Variants in EPHX2 observed in about 807,000 individuals in gnomAD.
EPHX2 encodes epoxide hydrolase 2, also known as bifunctional epoxide hydrolase 2.
A neutral mutation model predicts 78.7 loss-of-function variants in EPHX2; 74 were observed. The ratio of observed to expected loss-of-function variants is 0.94; its 90% CI spans 0.78 to 1.14. The LOEUF (loss-of-function observed/expected upper bound fraction) is 1.14, where lower values mean the gene tolerates loss of function less well. Among genes scored for constraint, EPHX2 ranks in the 50% most tolerant of loss-of-function variants. EPHX2 has a pLI of 0.00. For missense variants in EPHX2, 715 were observed against 702.5 expected (o/e 1.02, Z -0.20); for synonymous variants, 251 against 255.2 (o/e 0.98, Z 0.16).
intron 1 of EPHX2, among the ~76,000 whole-genome samples, chr8:27,498,255 G>A (rs140709594): frequency 8.4e-4 from 128 of 152,256 alleles, no homozygotes; most frequent in African/African-American, 3.0e-3. Flanking sequence ...ATAGCCCGGG[G>A]GTTTTATGGT....
Position 27,503,712 on chromosome 8 carries a change from A to T in EPHX2, c.295A>T (p.Arg99Ter). 2 of 1,613,862 alleles carry T rather than the reference A, an allele frequency of 1.2e-6. No homozygotes were observed. The highest frequency in any genetic ancestry group is 2.2e-5 in the South Asian group (2 of 91,082). Residue 99 changes from arginine (R) to a stop codon, truncating the protein, a stop_gained, in exon 3 of 19, where the codon AGA becomes TGA. Coordinates refer to ENST00000521400, the MANE Select transcript of EPHX2 (RefSeq NM_001979.6). LOFTEE classifies it high-confidence loss of function. ...AATCTTTGACAAGGCGATTTCAGCC[A>T]GAAAGATCAACCGCCCCATGCTCCA... ...KEIFDKAISARKINRPMLQAA... is the reference protein window; with the variant it reads ...KEIFDKAISA
chr8:27,508,700 C>G (rs970754947), intron 5 of EPHX2, among the ~76,000 whole-genome samples: 32 of 152,182 alleles, frequency 2.1e-4, no homozygotes, highest in Non-Finnish European at 4.3e-4. Context: ...CATCATCCCC[C>G]TTGTATTTTT....
At chr8:27,535,653 C>T (rs541151379) in intron 12 of EPHX2, among the ~76,000 whole-genome samples, 1 of 152,168 alleles carries the variant, frequency 6.6e-6, no homozygotes, top group Non-Finnish European at 1.5e-5. Flanking sequence ...AGGCTACCCC[C>T]ACTAGGAGAG....
chr8:27,538,581 A>T, intron 13 of EPHX2, 78 bp from the exon 14 acceptor site: 2 of 1,370,466 alleles, frequency 1.5e-6, no homozygotes, highest in South Asian at 2.6e-5. Flanking sequence ...CATTTGTCGT[A>T]ACAGGGTTTT....
chr8:27,536,670 C>A, intron 12 of EPHX2, 114 bp from the exon 13 acceptor site: 2 of 1,001,950 alleles, frequency 2.0e-6, no homozygotes, highest in Non-Finnish European at 3.1e-6. Context: ...TCTGATGAAA[C>A]TTGGGCTGGA....
At chr8:27,546,161 C>G (rs1815573438), downstream of EPHX2, among the ~76,000 whole-genome samples, 1 of 151,320 alleles carries the variant, frequency 6.6e-6, no homozygotes, top group Non-Finnish European at 1.5e-5. Context: ...GTTCTCCTTT[C>G]TAAATCTGGA....
At chr8:27,515,242 A>G (rs1246273733) in intron 6 of EPHX2, among the ~76,000 whole-genome samples, 2 of 152,154 alleles carry the variant, frequency 1.3e-5, no homozygotes, top group South Asian at 2.1e-4. Flanking sequence ...TCATGCTTCA[A>G]ACTGCGAGCC....
chr8:27,503,486 T>C lies in EPHX2; in HGVS notation c.187-118T>C, dbSNP rs1005310145. 3.5e-6 allele frequency: 4 copies of C among 1,129,566 alleles called. No homozygotes were observed. In the African/African-American group the frequency reaches 6.3e-5, roughly 18 times the overall value. 70.0% of individuals were successfully genotyped at this position (1,129,566 alleles called of 1,614,324 possible). A position where few individuals can be genotyped will look rare whatever the true frequency, so the allele number is the denominator to read the frequency against. On this transcript the variant is annotated intron_variant, in intron 2 of 18. Coordinates refer to ENST00000521400, the MANE Select transcript of EPHX2 (RefSeq NM_001979.6). Reference sequence around the variant, plus strand: ...AACATATGTTGGCATTTCCAGTGGGTATGTGTCCAGGAGTGGAATTGCTTG... The same window carrying C: ...AACATATGTTGGCATTTCCAGTGGGCATGTGTCCAGGAGTGGAATTGCTTG...
chr8:27,506,071 C>T (rs1813994312), intron 4 of EPHX2, among the ~76,000 whole-genome samples: 2 of 152,268 alleles, frequency 1.3e-5, no homozygotes, highest in East Asian at 3.9e-4. Flanking sequence ...TCACTGCAGC[C>T]TCAAACTCCT....
intron 15 of EPHX2, among the ~76,000 whole-genome samples, chr8:27,540,884 C>G (rs936131300): frequency 4.5e-4 from 68 of 152,272 alleles, no homozygotes; most frequent in African/African-American, 1.5e-3. Context: ...CTTATGGGGC[C>G]CCCATAGGGC....
chr8:27,516,678 T>TC (rs1814467744), intron 8 of EPHX2, among the ~76,000 whole-genome samples: 2 of 152,186 alleles, frequency 1.3e-5, no homozygotes, highest in Admixed American at 6.5e-5. Flanking sequence ...GAATGTACCA[T>TC]CCATCTCCAG....
At chr8:27,536,497 GATT>G (rs1222650292) in intron 12 of EPHX2, among the ~76,000 whole-genome samples, 1 of 152,142 alleles carries the variant, frequency 6.6e-6, no homozygotes, top group Non-Finnish European at 1.5e-5. Flanking sequence ...CCTTTCAAGA[GATT>G]ATTATAAGTA....
intron 8 of EPHX2, 56 bp downstream of exon 8, chr8:27,516,454 G>A (rs1814458553): frequency 3.9e-6 from 6 of 1,522,088 alleles, no homozygotes; most frequent in Non-Finnish European, 5.5e-6. Context: ...ACCTGCCTGA[G>A]CGCTCCACGC....
rs1413032106 is a variant in EPHX2 at position 27,505,143 on chromosome 8, T to C, written c.534T>C (p.Ser178=). ...FLLDTLKASP[S]EVVFLDDIGA... is the part of the protein sequence containing the mutation. ...TGGACACCCTGAAGGCCAGCCCCAG[T>C]GAGGTACGGAGACACTTCCTTATGG... is the stretch of plus-strand genomic sequence containing the variant. Residue 178 remains serine (S), a synonymous_variant, in exon 4 of 19, where the codon AGT becomes AGC. Transcript: ENST00000521400. 6.2e-7 allele frequency: 1 copy of C among 1,613,876 alleles called. No homozygotes were observed. Among genetic ancestry groups the C allele is most frequent in the East Asian group, 2.2e-5 (1 of 44,894 alleles).
intron 1 of EPHX2, among the ~76,000 whole-genome samples, chr8:27,493,713 T>C: frequency 6.6e-6 from 1 of 152,052 alleles, no homozygotes; most frequent in Non-Finnish European, 1.5e-5. Context: ...GGGAGGCAGA[T>C]ATAGGTTGAA....
rs750286467 is a variant in EPHX2 at position 27,525,605 on chromosome 8, G to A, written c.1170+132G>A. The A allele has an allele frequency of 3.4e-5, 28 of 829,596 alleles. No individual in the cohort carries two copies. In the African/African-American group the frequency reaches 3.5e-4, roughly 10 times the overall value. 51.4% of individuals were successfully genotyped at this position (829,596 alleles called of 1,614,324 possible). ...TTAGTCAGAAATGATTTTACAAATG[G>A]GCTCAGGTGAAACTGGCTGCCATGC... On this transcript the variant is annotated intron_variant, in intron 12 of 18. Coordinates refer to ENST00000521400, the MANE Select transcript of EPHX2 (RefSeq NM_001979.6).
intron 1 of EPHX2, among the ~76,000 whole-genome samples, chr8:27,494,898 A>G (rs1813518425): frequency 6.6e-6 from 1 of 152,166 alleles, no homozygotes; most frequent in Non-Finnish European, 1.5e-5. Context: ...GAAAGTCCTC[A>G]TTCTGTTTCG....
intron 10 of EPHX2, 152 bp from the exon 11 acceptor site, chr8:27,522,271 G>A: frequency 1.6e-6 from 1 of 630,996 alleles, no homozygotes. Context: ...GGCTGGTGGA[G>A]GGAGGAGAGG....
intron 3 of EPHX2, among the ~76,000 whole-genome samples, chr8:27,504,101 T>C (rs930416301): frequency 1.7e-4 from 26 of 152,226 alleles, no homozygotes; most frequent in African/African-American, 6.3e-4. Context: ...GCAACTGTGA[T>C]TTTCTTAGCC....
Sources: gnomAD v4.1 joint callset for allele counts (sites outside exome capture counted in the v4.1 genomes callset) on GRCh38, gnomAD v4.1.1 for gene constraint, MANE v1.5 for transcripts, NCBI Gene and HGNC (gene_info 2026-07-23, HGNC 2026-07-21) for gene names.